The following GPR37 variants were observed in gnomAD, a reference collection of about 807,000 sequenced individuals.
GPR37 encodes G protein-coupled receptor 37, also known as prosaposin receptor GPR37.
In GPR37, 20 loss-of-function variants were observed where a neutral mutation model predicts 43.6. The observed-to-expected ratio is 0.46, with a 90% confidence interval of 0.32 to 0.67. GPR37 has a LOEUF of 0.67. Among genes scored for constraint, GPR37 ranks in the 30% least tolerant of loss-of-function variants. GPR37 has a pLI of 0.03. For synonymous variants in GPR37, 315 were observed against 322.6 expected (o/e 0.98, Z 0.25); for missense variants, 724 against 797.2 (o/e 0.91, Z 1.11).
chr7:124,750,529 T>A (rs1793719469), intron 1 of GPR37, among the ~76,000 whole-genome samples: 1 of 152,214 alleles, frequency 6.6e-6, no homozygotes, highest in Admixed American at 6.5e-5. Context: ...TATCATTACT[T>A]GCAAAGAACA....
At chr7:124,747,815 G>A (rs1041740667) in intron 1 of GPR37, among the ~76,000 whole-genome samples, 3 of 152,068 alleles carry the variant, frequency 2.0e-5, no homozygotes, top group African/African-American at 4.8e-5. Flanking sequence ...ACACTCAAGA[G>A]CTTATTGTCT....
chr7:124,746,500 A>C lies in GPR37; in HGVS notation c.*25T>G, dbSNP rs750730644. On this transcript the variant is annotated 3_prime_UTR_variant, in exon 2 of 2. Coordinates refer to ENST00000303921, the MANE Select transcript of GPR37 (RefSeq NM_005302.5). ...CGGGATATGAAAATCAAACAAATAA[A>C]TCTGACCCAACCAAGTACTGTCCTT... The C allele has an allele frequency of 1.3e-6, 2 of 1,490,336 alleles. No homozygotes were observed. The highest frequency in any genetic ancestry group is 4.5e-5 in the Admixed American group (2 of 44,282). 92.3% of individuals were successfully genotyped at this position (1,490,336 alleles called of 1,614,324 possible).
Position 124,764,108 on chromosome 7 carries a change from T to C in GPR37, c.869A>G (p.Tyr290Cys), listed in dbSNP as rs1218126412. Residue 290 changes from tyrosine to cysteine, a missense_variant, in exon 1 of 2, where the codon TAC (tyrosine) becomes TGC (cysteine). By Grantham distance (194) the Tyr-to-Cys change is radical. Coordinates refer to ENST00000303921, the MANE Select transcript of GPR37 (RefSeq NM_005302.5). This position sits in a 1 kb window ranked among gnomAD's most constrained non-coding sequence, Gnocchi z 5.4. ...GGAGTTGGAGATGCTCCGCATGTAG[T>C]AGTTGTGGCACACGATGCACATCAC... ...LAVMCIVCHN[Y>C]YMRSISNSLL... 3.7e-6 allele frequency: 6 copies of C among 1,613,630 alleles called. No homozygotes were observed. Among genetic ancestry groups the C allele is most frequent in the Non-Finnish European group, 4.2e-6 (5 of 1,179,768 alleles).
In GPR37 at chr7:124,744,713, C is replaced by T. The variant is rs1340578063; in HGVS notation, c.*1812G>A. The stretch of plus-strand genomic sequence containing the variant: ...TAGTTGTCTATGTATTTATTTTATT[C>T]CTTCCCATCCATGTCATCCCTGCCT... On this transcript the variant is annotated 3_prime_UTR_variant, in exon 2 of 2. Coordinates refer to ENST00000303921, the MANE Select transcript of GPR37 (RefSeq NM_005302.5). The T allele has an allele frequency of 6.6e-6, 1 of 152,190 alleles. No homozygotes were observed. Among genetic ancestry groups the T allele is most frequent in the African/African-American group, 2.4e-5 (1 of 41,464 alleles). 9.4% of individuals were successfully genotyped at this position (152,190 alleles called of 1,614,324 possible).
chr7:124,764,572 C>T lies in GPR37; in HGVS notation c.405G>A (p.Gly135=), dbSNP rs1793892604. The T allele has an allele frequency of 6.2e-7, 1 of 1,612,178 alleles. No homozygotes were observed. Among genetic ancestry groups the T allele is most frequent in the Non-Finnish European group, 8.5e-7 (1 of 1,179,212 alleles). Residue 135 remains glycine (G), a synonymous_variant, in exon 1 of 2, where the codon GGG becomes GGA. Transcript: ENST00000303921. This position sits in a 1 kb window ranked among gnomAD's most constrained non-coding sequence, Gnocchi z 5.4. ...GCTGGAGGGCCGTGGGGTTCCCTCT[C>T]CCCAAAGTTTCAGAAGGCTCCTGAC... ...ARGQEPSETL[G]RGNPTALQLF...
intron 1 of GPR37, among the ~76,000 whole-genome samples, chr7:124,751,305 A>T (rs1166233357): frequency 6.6e-6 from 1 of 152,090 alleles, no homozygotes; most frequent in Non-Finnish European, 1.5e-5. Context: ...TCCTGCTGCC[A>T]CTGCCTGCAG....
rs1404393648 is a variant in GPR37 at position 124,743,886 on chromosome 7, C to T, written c.*2639G>A. 3.1e-5 allele frequency: 4 copies of T among 128,552 alleles called. No homozygotes were observed. The highest frequency in any genetic ancestry group is 8.0e-5 in the Admixed American group (1 of 12,544). 8.0% of individuals were successfully genotyped at this position (128,552 alleles called of 1,614,324 possible). On this transcript the variant is annotated 3_prime_UTR_variant, in exon 2 of 2. Transcript: ENST00000303921. ...TTTTTTTTTTTTTTTTGTTGTTTAA[C>T]GAGGAGCGTAAGACATTGGATAAGA...
rs934996043 is a variant in GPR37 at position 124,745,599 on chromosome 7, C to T, written c.*926G>A. ...TTTTTCAAAAGGAGAAAAATTAGAA[C>T]TCAGAGTGCTTTACGTAGGATTCAC... On this transcript the variant is annotated 3_prime_UTR_variant, in exon 2 of 2. Transcript: ENST00000303921. Among the ~76,000 whole-genome samples, 2 of 152,058 alleles carry T rather than the reference C, an allele frequency of 1.3e-5. No homozygotes were observed. Among genetic ancestry groups the T allele is most frequent in the Non-Finnish European group, 2.9e-5 (2 of 68,018 alleles).
chr7:124,762,802 C>T (rs1037458467), intron 1 of GPR37, among the ~76,000 whole-genome samples: 7 of 152,170 alleles, frequency 4.6e-5, no homozygotes, highest in African/African-American at 1.7e-4. Flanking sequence ...TTACTTATCC[C>T]CCAGCTTTAG....
Position 124,764,985 on chromosome 7 carries a change from G to T in GPR37, c.-9C>A. ...GCGCCCGGGGCTCGCATGGCTTGGT[G>T]AGGGCACACCCGGCAGCCGCAGCTC... On this transcript the variant is annotated 5_prime_UTR_variant, in exon 1 of 2. Transcript: ENST00000303921. This position sits in a 1 kb window ranked among gnomAD's most constrained non-coding sequence, Gnocchi z 5.4. 6.8e-7 allele frequency: 1 copy of T among 1,461,492 alleles called. No homozygotes were observed. 90.5% of individuals were successfully genotyped at this position (1,461,492 alleles called of 1,614,324 possible). A position where few individuals can be genotyped will look rare whatever the true frequency, so the allele number is the denominator to read the frequency against.
In GPR37 at chr7:124,746,830, T is replaced by G. The variant is rs1339083331; in HGVS notation, c.1537A>C (p.Ile513Leu). The part of the protein sequence containing the change: ...FCIIPENICN[I>L]VTAYMATGVS... ...CCTGTAGCCATGTAGGCAGTAACAA[T>G]GTTGCAGATATTTTCAGGAATAATG... The change falls in exon 2 of 2, where the codon ATT becomes CTT. Residue 513 changes from isoleucine to leucine, a missense_variant. By Grantham distance (5) the Ile-to-Leu change is conservative (BLOSUM62 2). Around this residue, in one of 2 missense-constraint regions of GPR37, gnomAD observed 342 missense variants for 441.8 expected, o/e 0.77. Transcript: ENST00000303921. The G allele has an allele frequency of 6.2e-7, 1 of 1,614,090 alleles. No individual in the cohort carries two copies. The highest frequency in any genetic ancestry group is 8.5e-7 in the Non-Finnish European group (1 of 1,179,960).
Position 124,745,636 on chromosome 7 carries a change from G to A in GPR37, c.*889C>T, listed in dbSNP as rs546304389. On this transcript the variant is annotated 3_prime_UTR_variant, in exon 2 of 2. Coordinates refer to ENST00000303921, the MANE Select transcript of GPR37 (RefSeq NM_005302.5). ...TACGTAGGATTCACAAAGCTTCAAA[G>A]GTCAGTGTTCAGAGGAAATCAGATG... 6.6e-6 allele frequency among the ~76,000 whole-genome samples: 1 copy of A among 152,192 alleles called. No individual in the cohort carries two copies. The highest frequency in any genetic ancestry group is 1.5e-5 in the Non-Finnish European group (1 of 67,996).
At position 124,746,374 on chromosome 7, in the gene GPR37, T is replaced by C. The variant is rs758316112; in HGVS notation, c.*151A>G. On this transcript the variant is annotated 3_prime_UTR_variant, in exon 2 of 2. Transcript: ENST00000303921. The stretch of plus-strand genomic sequence containing the variant: ...GAAACTTTTTTTCAAAGCACAAATA[T>C]TAATTTGTAAAATCAGTTCTACAGT... 3 of 532,564 alleles carry C rather than the reference T, an allele frequency of 5.6e-6. No homozygotes were observed. The African/African-American group carries it at 5.9e-5, about 10-fold the overall frequency. The allele number at this position is 532,564 out of a possible 1,614,324, so 33.0% of individuals were successfully genotyped here. A position where few individuals can be genotyped will look rare whatever the true frequency, so the allele number is the denominator to read the frequency against.
Position 124,744,226 on chromosome 7 carries a change from C to A in GPR37, c.*2299G>T, listed in dbSNP as rs1166565807. On this transcript the variant is annotated 3_prime_UTR_variant, in exon 2 of 2. Transcript: ENST00000303921. ...TTTTCATGATCAGACTGTCCCCTAC[C>A]AGCCTATTTAAACTGTTTGCAAGTT... 1 of 152,074 alleles carries A rather than the reference C, an allele frequency of 6.6e-6. No individual in the cohort carries two copies. Among genetic ancestry groups the A allele is most frequent in the African/African-American group, 2.4e-5 (1 of 41,418 alleles). 9.4% of individuals were successfully genotyped at this position (152,074 alleles called of 1,614,324 possible). A position where few individuals can be genotyped will look rare whatever the true frequency, so the allele number is the denominator to read the frequency against.
chr7:124,759,675 C>T (rs1021003291), intron 1 of GPR37, among the ~76,000 whole-genome samples: 5 of 152,024 alleles, frequency 3.3e-5, no homozygotes, highest in Non-Finnish European at 2.9e-5. Context: ...TATTATTAGG[C>T]CATAAAGATG....
At position 124,747,271 on chromosome 7, in the gene GPR37, C is replaced by T. The variant is rs754836352; in HGVS notation, c.1096G>A (p.Val366Ile). The stretch of plus-strand genomic sequence containing the variant: ...TCGATCATTTCGTAGTACATCTGTA[C>T]GTTGGTGGCAGCACGGAAGCGGTCT... Reference protein sequence around the residue: ...CIDRFRAATNVQMYYEMIENC... With the variant: ...CIDRFRAATNIQMYYEMIENC... The change falls in exon 2 of 2, where the codon GTA (valine) becomes ATA (isoleucine). Residue 366 changes from valine to isoleucine, a missense_variant. Transcript: ENST00000303921. The T allele has an allele frequency of 6.2e-6, 10 of 1,613,612 alleles. No homozygotes were observed. Among genetic ancestry groups the T allele is most frequent in the East Asian group, 2.2e-5 (1 of 44,872 alleles).
chr7:124,754,840 C>T (rs867931269), intron 1 of GPR37, among the ~76,000 whole-genome samples: 1 of 152,112 alleles, frequency 6.6e-6, no homozygotes, highest in Non-Finnish European at 1.5e-5. Context: ...CAGGGTAGAA[C>T]CTCTAAATGG....
intron 1 of GPR37, among the ~76,000 whole-genome samples, chr7:124,761,203 C>T (rs370989877): frequency 4.6e-5 from 7 of 150,964 alleles, no homozygotes; most frequent in African/African-American, 1.7e-4. Context: ...TGTGGTTTTC[C>T]ACCCAGACAG....
rs1406929346 is a variant in GPR37 at position 124,746,341 on chromosome 7, A to T, written c.*184T>A. 2.2e-6 allele frequency: 1 copy of T among 458,920 alleles called. No homozygotes were observed. The highest frequency in any genetic ancestry group is 3.9e-6 in the Non-Finnish European group (1 of 259,208). The allele number at this position is 458,920 out of a possible 1,614,324, so 28.4% of individuals were successfully genotyped here. Reference sequence around the variant, plus strand: ...TTGGCCTTCTCATTCTTCTTAAATAACTAAATAGAAACTTTTTTTCAAAGC... The same window carrying T: ...TTGGCCTTCTCATTCTTCTTAAATATCTAAATAGAAACTTTTTTTCAAAGC... On this transcript the variant is annotated 3_prime_UTR_variant, in exon 2 of 2. Coordinates refer to ENST00000303921, the MANE Select transcript of GPR37 (RefSeq NM_005302.5).
Sources: allele counts gnomAD v4.1 joint callset (sites outside exome capture counted in the v4.1 genomes callset), GRCh38; gene constraint gnomAD v4.1.1; regional missense constraint gnomAD v4.1.1; non-coding constraint Gnocchi (gnomAD v3.1); transcripts MANE v1.5; gene names NCBI Gene and HGNC (gene_info 2026-07-23, HGNC 2026-07-21).